The following FSTL4 variants were observed in gnomAD, a reference collection of about 807,000 sequenced individuals.
The protein encoded by FSTL4 is follistatin-related protein 4.
In FSTL4, 28 loss-of-function variants were observed where a neutral mutation model predicts 78.2. The observed-to-expected ratio is 0.36, with a 90% confidence interval of 0.27 to 0.49. FSTL4 has a LOEUF of 0.49. Among genes scored for constraint, FSTL4 ranks in the 20% least tolerant of loss-of-function variants. The pLI is 0.98. For missense variants in FSTL4, 922 were observed against 1,084.9 expected, an observed-to-expected ratio of 0.85 and a Z score of 2.11; for synonymous variants, 422 against 440.5, an observed-to-expected ratio of 0.96 and a Z score of 0.53.
chr5:133,451,368 C>T (rs555480483), intron 3 of FSTL4, among the ~76,000 whole-genome samples: 17 of 151,904 alleles, frequency 1.1e-4, no homozygotes, highest in Admixed American at 3.9e-4. Flanking sequence ...CAAGATCAGC[C>T]TGGCCAACAT....
At chr5:133,378,323 G>A (rs1755490150) in intron 4 of FSTL4, among the ~76,000 whole-genome samples, 1 of 152,166 alleles carries the variant, frequency 6.6e-6, no homozygotes, top group Non-Finnish European at 1.5e-5. Context: ...CTGTACAATT[G>A]TGCCTATAAC....
intron 4 of FSTL4, among the ~76,000 whole-genome samples, chr5:133,353,675 C>G (rs1239840640): frequency 1.3e-5 from 2 of 152,242 alleles, no homozygotes; most frequent in Admixed American, 6.5e-5. Context: ...TGCCACCTGA[C>G]AGTGTTATAG....
chr5:133,605,482 G>T (rs1760957572), intron 1 of FSTL4, among the ~76,000 whole-genome samples: 1 of 152,194 alleles, frequency 6.6e-6, no homozygotes, highest in Non-Finnish European at 1.5e-5. Context: ...TGGGGTGGAA[G>T]TTGTCACATA....
In FSTL4 at chr5:133,311,275, GC is replaced by G. The variant is rs1304422195; in HGVS notation, c.727+1378del. The stretch of plus-strand genomic sequence containing the variant: ...GACAAACACCTCCGCAGCAGGATAA[GC>G]CTACCAGTCACTCTCACCTTATTAT... On this transcript the variant is annotated intron_variant, in intron 6 of 15. Transcript: ENST00000265342. Among the ~76,000 whole-genome samples, 7 of 152,140 alleles carry G rather than the reference GC, an allele frequency of 4.6e-5. No individual in the cohort carries two copies. In the East Asian group the frequency reaches 1.3e-3, roughly 29 times the overall value.
At chr5:133,579,762 A>G (rs1357295251) in intron 2 of FSTL4, among the ~76,000 whole-genome samples, 1 of 152,200 alleles carries the variant, frequency 6.6e-6, no homozygotes, top group African/African-American at 2.4e-5. Flanking sequence ...TTAAAAGACA[A>G]AAAAGGAAGA....
chr5:133,590,549 C>T (rs1440870908), intron 2 of FSTL4, among the ~76,000 whole-genome samples: 2 of 152,078 alleles, frequency 1.3e-5, no homozygotes, highest in Non-Finnish European at 2.9e-5. Flanking sequence ...CATGACTCCC[C>T]TCCCATGTAA....
At chr5:133,632,232 A>G in the FSTL4 span, among the ~76,000 whole-genome samples, 1 of 149,504 alleles carries the variant, frequency 6.7e-6, no homozygotes, top group Non-Finnish European at 1.5e-5. Flanking sequence ...AAGTATAAGA[A>G]TATTACCTCC....
chr5:133,671,797 T>C, the FSTL4 span, among the ~76,000 whole-genome samples: 62 of 152,304 alleles, frequency 4.1e-4, no homozygotes, highest in Admixed American at 7.8e-4. Context: ...GGTAAAAACA[T>C]GTTCAAATAA....
At chr5:133,613,405 C>G (rs2112989733), upstream of FSTL4, among the ~76,000 whole-genome samples, 1 of 152,298 alleles carries the variant, frequency 6.6e-6, no homozygotes, top group Non-Finnish European at 1.5e-5. Flanking sequence ...GCCTTCCTGG[C>G]TTAGGTGAAC....
At chr5:133,598,691 T>C (rs1211599991) in intron 2 of FSTL4, among the ~76,000 whole-genome samples, 3 of 140,764 alleles carry the variant, frequency 2.1e-5, no homozygotes, top group Non-Finnish European at 4.6e-5. Flanking sequence ...TGGATCCTTT[T>C]GAAAGGAGTA....
chr5:133,448,364 AG>A (rs1322622791), intron 3 of FSTL4, among the ~76,000 whole-genome samples: 1 of 152,196 alleles, frequency 6.6e-6, no homozygotes, highest in Non-Finnish European at 1.5e-5. Context: ...GGAGAGAAAC[AG>A]GGGGGCCCCC....
intron 6 of FSTL4, among the ~76,000 whole-genome samples, chr5:133,283,745 T>A (rs1753065148): frequency 6.6e-6 from 1 of 152,080 alleles, no homozygotes; most frequent in Non-Finnish European, 1.5e-5. Context: ...GGGCAATATA[T>A]TGGTCTGTTC....
chr5:133,287,111 G>A (rs537252890), intron 6 of FSTL4, among the ~76,000 whole-genome samples: 7 of 152,172 alleles, frequency 4.6e-5, no homozygotes, highest in Non-Finnish European at 7.3e-5. Flanking sequence ...TAGGTTGGCC[G>A]GACGCGGTGG....
intron 3 of FSTL4, among the ~76,000 whole-genome samples, chr5:133,404,559 G>A (rs1323389772): frequency 1.3e-5 from 2 of 152,216 alleles, no homozygotes. Context: ...ATGGCGGCAG[G>A]AGAAATGAGT....
chr5:133,573,234 G>T (rs1309458096), intron 2 of FSTL4, among the ~76,000 whole-genome samples: 1 of 142,674 alleles, frequency 7.0e-6, no homozygotes, highest in Admixed American at 7.1e-5. Context: ...ACAGAGTAAG[G>T]CTCTGTCTCA....
chr5:133,654,404 C>T, the FSTL4 span, among the ~76,000 whole-genome samples: 1 of 152,174 alleles, frequency 6.6e-6, no homozygotes, highest in Admixed American at 6.5e-5. Flanking sequence ...GGATTCTAAG[C>T]GCAGAAGGTA....
At chr5:133,700,588 T>G in the FSTL4 span, among the ~76,000 whole-genome samples, 1 of 152,266 alleles carries the variant, frequency 6.6e-6, no homozygotes, top group African/African-American at 2.4e-5. Context: ...GATGTATCAC[T>G]GTATTCCGGG....
chr5:133,240,484 T>C (rs747414256), intron 7 of FSTL4, among the ~76,000 whole-genome samples: 2 of 152,146 alleles, frequency 1.3e-5, no homozygotes, highest in Non-Finnish European at 2.9e-5. Flanking sequence ...GTCCTCCTGC[T>C]CGTTCCCAGG....
At chr5:133,374,051 T>C (rs1007258310) in intron 4 of FSTL4, among the ~76,000 whole-genome samples, 3 of 152,174 alleles carry the variant, frequency 2.0e-5, no homozygotes, top group Admixed American at 6.5e-5. Flanking sequence ...AGGGAAACCC[T>C]GAGCCCCACA....
Sources: allele counts gnomAD v4.1 joint callset (sites outside exome capture counted in the v4.1 genomes callset), GRCh38; gene constraint gnomAD v4.1.1; transcripts MANE v1.5; gene names NCBI Gene and HGNC (gene_info 2026-07-23, HGNC 2026-07-21).